MYO18B: variants seen among roughly 807,000 people sequenced by gnomAD.
The protein encoded by MYO18B is unconventional myosin-XVIIIb.
MYO18B carries 204 observed loss-of-function variants against 273.0 expected under a neutral mutation model. That is an observed-to-expected ratio of 0.75 (90% CI 0.67 to 0.84). MYO18B has a LOEUF of 0.84. Ranked by LOEUF, MYO18B falls within the 40% of genes least tolerant of loss-of-function variation. The pLI, the probability that MYO18B is intolerant of heterozygous loss-of-function variation, is 0.00. For missense variants in MYO18B, 3,212 were observed against 3,287.6 expected, an observed-to-expected ratio of 0.98 and a Z score of 0.56; for synonymous variants, 1,330 against 1,305.7, an observed-to-expected ratio of 1.02 and a Z score of -0.40.
In MYO18B at chr22:25,769,263, C is replaced by T; in HGVS notation, c.1347C>T (p.Cys449=). 6.3e-7 allele frequency: 1 copy of T among 1,592,094 alleles called. No homozygotes were observed. Among genetic ancestry groups the T allele is most frequent in the Non-Finnish European group, 8.5e-7 (1 of 1,169,710 alleles). ...GSRGQEAEEP[C]SRAGDGAGAL... ...GTGGGCAGGAAGCAGAGGAGCCCTG[C>T]TCAAGAGCAGGTGATGGGGCTGGTG... Residue 449 remains cysteine, a synonymous_variant, in exon 4 of 44, where the codon TGC becomes TGT. Coordinates refer to ENST00000335473, the MANE Select transcript of MYO18B (RefSeq NM_032608.7).
chr22:26,046,202 A>G, the MYO18B span, among the ~76,000 whole-genome samples: 113 of 152,294 alleles, frequency 7.4e-4, 1 homozygote, highest in African/African-American at 2.5e-3. Flanking sequence ...AAATACAGCA[A>G]CTGTCAAAAA....
chr22:25,878,102 T>C (rs2146206220), intron 25 of MYO18B, 54 bp downstream of exon 25: 6 of 1,374,122 alleles, frequency 4.4e-6, no homozygotes, highest in Middle Eastern at 1.8e-4. Context: ...GTATGTGAGA[T>C]CTGTTTAATG....
intron 42 of MYO18B, among the ~76,000 whole-genome samples, chr22:26,010,385 G>A (rs557292763): frequency 1.3e-5 from 2 of 152,178 alleles, no homozygotes; most frequent in South Asian, 4.1e-4. Context: ...AGCATGTGGT[G>A]GGCTCAGAGA....
intron 1 of MYO18B, among the ~76,000 whole-genome samples, chr22:25,747,498 T>A (rs1223330992): frequency 6.6e-6 from 1 of 152,238 alleles, no homozygotes; most frequent in Non-Finnish European, 1.5e-5. Context: ...CAGCATCTCA[T>A]CAGCCTGTAG....
intron 20 of MYO18B, among the ~76,000 whole-genome samples, chr22:25,850,165 C>A (rs5752232): frequency 6.6e-6 from 1 of 151,982 alleles, no homozygotes; most frequent in African/African-American, 2.4e-5. Context: ...GCTGTTCTTC[C>A]TAGTTGATGC....
intron 4 of MYO18B, among the ~76,000 whole-genome samples, 179 bp downstream of exon 4, chr22:25,769,607 A>G (rs1198420915): frequency 2.0e-5 from 3 of 152,130 alleles, no homozygotes; most frequent in South Asian, 2.1e-4. Flanking sequence ...TTCCTCCATG[A>G]GCAGAAGTCT....
chr22:25,902,731 C>T lies in MYO18B; in HGVS notation c.4942C>T (p.Leu1648=), dbSNP rs757767443. Residue 1648 remains leucine (L), a synonymous_variant, in exon 30 of 44, where the codon CTG becomes TTG. Coordinates refer to ENST00000335473, the MANE Select transcript of MYO18B (RefSeq NM_032608.7). The stretch of plus-strand genomic sequence containing the variant: ...GGAGCTAGGCCAGCTTCAGCAGCAG[C>T]TGAAGGTAAGGGATGGGGGACACAG... ...RWELGQLQQQ[L]KQKEQEASQL... The T allele has an allele frequency of 6.3e-7, 1 of 1,581,800 alleles. No individual in the cohort carries two copies. The highest frequency in any genetic ancestry group is 1.2e-5 in the South Asian group (1 of 86,284).
intron 39 of MYO18B, among the ~76,000 whole-genome samples, chr22:25,975,384 C>A (rs77718427): frequency 1.3e-5 from 2 of 152,118 alleles, no homozygotes; most frequent in African/African-American, 2.4e-5. Flanking sequence ...CCCCGGCATC[C>A]TAATATCATA....
chr22:25,924,487 C>G (rs931146117), intron 34 of MYO18B, among the ~76,000 whole-genome samples: 1 of 152,108 alleles, frequency 6.6e-6, no homozygotes, highest in Non-Finnish European at 1.5e-5. Flanking sequence ...AACAATGATA[C>G]GAATAAATAG....
chr22:25,930,175 C>T (rs938803616), intron 34 of MYO18B, among the ~76,000 whole-genome samples: 3 of 152,174 alleles, frequency 2.0e-5, no homozygotes, highest in African/African-American at 7.2e-5. Flanking sequence ...TGGGTGTCCT[C>T]TCTTGGAGCC....
chr22:25,823,433 G>C lies in MYO18B; in HGVS notation c.2522-72G>C, dbSNP rs150439447. On this transcript the variant is annotated intron_variant, in intron 12 of 43. Coordinates refer to ENST00000335473, the MANE Select transcript of MYO18B (RefSeq NM_032608.7). ...TTGGGAGGGTGCTGAGATTCTCCGAGGTCCTCTCGGGTGTTCATTCACCCC... is the reference window on the plus strand; with the variant it reads ...TTGGGAGGGTGCTGAGATTCTCCGACGTCCTCTCGGGTGTTCATTCACCCC... 4.7e-6 allele frequency: 7 copies of C among 1,484,426 alleles called. No homozygotes were observed. The African/African-American group carries it at 5.6e-5, about 12-fold the overall frequency. 92.0% of individuals were successfully genotyped at this position (1,484,426 alleles called of 1,614,324 possible). A position where few individuals can be genotyped will look rare whatever the true frequency, so the allele number is the denominator to read the frequency against.
intron 7 of MYO18B, among the ~76,000 whole-genome samples, chr22:25,775,201 C>T (rs1784935809): frequency 6.6e-6 from 1 of 152,216 alleles, no homozygotes; most frequent in Non-Finnish European, 1.5e-5. Flanking sequence ...TGTGTCCAGC[C>T]AGTGTGGGGG....
intron 39 of MYO18B, among the ~76,000 whole-genome samples, chr22:25,965,245 G>T (rs903341078): frequency 2.6e-5 from 4 of 152,238 alleles, no homozygotes; most frequent in African/African-American, 9.6e-5. Flanking sequence ...CGGGGGAAAA[G>T]TGTAAAGAAT....
At chr22:25,954,258 C>T (rs1173250172) in intron 38 of MYO18B, among the ~76,000 whole-genome samples, 4 of 152,238 alleles carry the variant, frequency 2.6e-5, no homozygotes, top group South Asian at 2.1e-4. Context: ...GATTCCCCAT[C>T]CCCCCTGCCA....
chr22:25,843,483 G>A (rs1207749375), intron 17 of MYO18B, among the ~76,000 whole-genome samples: 1 of 152,172 alleles, frequency 6.6e-6, no homozygotes, highest in African/African-American at 2.4e-5. Context: ...AAAAACTCGA[G>A]GAGATCGAGT....
chr22:25,908,342 G>T lies in MYO18B; in HGVS notation c.5169G>T (p.Leu1723=). ...QLEQLRQRFE[L]EIERMKQMHQ... Reference sequence around the variant, plus strand: ...CGCAGCTCCGCCAGCGGTTTGAGCTGGAGATCGAGCGGATGAAGCAGATGC... The same window carrying T: ...CGCAGCTCCGCCAGCGGTTTGAGCTTGAGATCGAGCGGATGAAGCAGATGC... The change falls in exon 32 of 44, where the codon CTG becomes CTT. Residue 1723 remains leucine, a synonymous_variant. Transcript: ENST00000335473. The T allele has an allele frequency of 6.3e-7, 1 of 1,593,146 alleles. No homozygotes were observed. Among genetic ancestry groups the T allele is most frequent in the Non-Finnish European group, 8.5e-7 (1 of 1,170,102 alleles).
chr22:25,999,299 G>A (rs188228676), intron 40 of MYO18B, among the ~76,000 whole-genome samples: 111 of 152,210 alleles, frequency 7.3e-4, no homozygotes, highest in Admixed American at 1.3e-3. Context: ...TCTCTGCCCA[G>A]TAACTGCCCT....
chr22:26,012,526 A>G (rs1480869639), intron 42 of MYO18B, among the ~76,000 whole-genome samples: 1 of 152,250 alleles, frequency 6.6e-6, no homozygotes, highest in Non-Finnish European at 1.5e-5. Flanking sequence ...CAGAAATATT[A>G]AATGCAAACA....
At chr22:25,889,794 A>C (rs2091608237) in intron 25 of MYO18B, among the ~76,000 whole-genome samples, 1 of 152,292 alleles carries the variant, frequency 6.6e-6, no homozygotes, top group African/African-American at 2.4e-5. Context: ...CAGAAAAAAA[A>C]ACCAGTGCAG....
Sources: allele counts gnomAD v4.1 joint callset (sites outside exome capture counted in the v4.1 genomes callset), GRCh38; gene constraint gnomAD v4.1.1; transcripts MANE v1.5; gene names NCBI Gene and HGNC (gene_info 2026-07-23, HGNC 2026-07-21).